KIAA1328: variants seen among roughly 807,000 people sequenced by gnomAD.
KIAA1328 encodes the protein protein hinderin.
A neutral mutation model predicts 68.1 loss-of-function variants in KIAA1328; 52 were observed. That is an observed-to-expected ratio of 0.76 (90% confidence interval 0.61 to 0.96). KIAA1328 has a LOEUF of 0.96. Among genes scored for constraint, KIAA1328 ranks in the 40% least tolerant of loss-of-function variants. The pLI is 0.00. For synonymous variants in KIAA1328, 232 were observed against 239.4 expected (o/e 0.97, Z 0.28); for missense variants, 641 against 677.6 (o/e 0.95, Z 0.60).
chr18:37,194,280 GTT>G (rs539989740), intron 9 of KIAA1328, among the ~76,000 whole-genome samples: 366 of 152,250 alleles, frequency 2.4e-3, no homozygotes, highest in Non-Finnish European at 2.2e-3. Flanking sequence ...TAATCAAAAA[GTT>G]TGGTACTTTG....
chr18:36,980,506 G>A (rs753430102), intron 6 of KIAA1328, among the ~76,000 whole-genome samples: 8 of 152,164 alleles, frequency 5.3e-5, no homozygotes, highest in Non-Finnish European at 7.4e-5. Flanking sequence ...GTGGCATGTC[G>A]TATGGCTGCT....
rs1196628455 is a variant in KIAA1328 at position 36,838,811 on chromosome 18, T to C, written c.237+3435T>C. Among the ~76,000 whole-genome samples the C allele has an allele frequency of 2.0e-5, 3 of 152,194 alleles. 1 individual carries two copies. The highest frequency in any genetic ancestry group is 4.1e-4 in the South Asian group (2 of 4,828). On this transcript the variant is annotated intron_variant, in intron 3 of 9. Transcript: ENST00000280020. ...GTGCAGTGGCACGATCTTGGTTTAC[T>C]GCAACCTCCGCTTCCCAGGTTCAAG...
chr18:37,064,339 A>G lies in KIAA1328; in HGVS notation c.577-2551A>G, dbSNP rs553748312. 2.0e-5 allele frequency among the ~76,000 whole-genome samples: 3 copies of G among 152,216 alleles called. No homozygotes were observed. In the East Asian group the frequency reaches 5.8e-4, roughly 29 times the overall value. On this transcript the variant is annotated intron_variant, in intron 6 of 9. Transcript: ENST00000280020. Reference sequence around the variant, plus strand: ...GATAAGAAACATGATGTTGCTGTGTATCTCTGTTAGTTGATACTTTTTACC... The same window carrying G: ...GATAAGAAACATGATGTTGCTGTGTGTCTCTGTTAGTTGATACTTTTTACC...
Position 37,179,241 on chromosome 18 carries a change from T to C in KIAA1328, c.1523+6160T>C, listed in dbSNP as rs765292198. 7.2e-5 allele frequency among the ~76,000 whole-genome samples: 11 copies of C among 152,222 alleles called. No individual in the cohort carries two copies. In the South Asian group the frequency reaches 2.3e-3, roughly 32 times the overall value. On this transcript the variant is annotated intron_variant, in intron 9 of 9. Coordinates refer to ENST00000280020, the MANE Select transcript of KIAA1328 (RefSeq NM_020776.3). ...CCTTTAATCCATTTTGATTTGATTT[T>C]TGTATCTGATGAGAGATAGGGAGTC...
intron 8 of KIAA1328, among the ~76,000 whole-genome samples, chr18:37,164,496 G>A (rs2059346144): frequency 6.6e-6 from 1 of 152,184 alleles, no homozygotes; most frequent in Admixed American, 6.5e-5. Context: ...TGTAAGCTCA[G>A]CACTTTGTGA....
At chr18:37,165,187 C>T (rs1239409175) in intron 8 of KIAA1328, among the ~76,000 whole-genome samples, 1 of 152,056 alleles carries the variant, frequency 6.6e-6, no homozygotes, top group African/African-American at 2.4e-5. Flanking sequence ...CTGAGGTGTC[C>T]TGGTCTTTAG....
intron 4 of KIAA1328, among the ~76,000 whole-genome samples, chr18:36,871,781 T>TA (rs1263497278): frequency 2.0e-5 from 3 of 151,896 alleles, no homozygotes; most frequent in Non-Finnish European, 4.4e-5. Context: ...TAAGGAGACT[T>TA]ATGCTGATAG....
At chr18:36,973,847 A>ACACG (rs2052352163) in intron 6 of KIAA1328, among the ~76,000 whole-genome samples, 1 of 151,748 alleles carries the variant, frequency 6.6e-6, no homozygotes, top group Non-Finnish European at 1.5e-5. Flanking sequence ...ACACACACAC[A>ACACG]CACATATATA....
intron 4 of KIAA1328, among the ~76,000 whole-genome samples, chr18:36,878,363 G>A (rs1446645183): frequency 6.6e-6 from 1 of 152,142 alleles, no homozygotes; most frequent in East Asian, 1.9e-4. Flanking sequence ...TGGCTTGTAG[G>A]GTTTCTGCAG....
chr18:37,200,108 C>T (rs1005085598), intron 9 of KIAA1328, among the ~76,000 whole-genome samples: 2 of 152,146 alleles, frequency 1.3e-5, no homozygotes, highest in Admixed American at 1.3e-4. Context: ...TTAATGCTGC[C>T]AACCTAAAAG....
At chr18:37,204,777 AAAAC>A (rs1362218509) in intron 9 of KIAA1328, among the ~76,000 whole-genome samples, 12 of 151,932 alleles carry the variant, frequency 7.9e-5, no homozygotes, top group African/African-American at 2.9e-4. Context: ...AAAAAAAAAA[AAAAC>A]ACCTCTCAAG....
At chr18:37,115,736 A>G (rs1010490973) in intron 7 of KIAA1328, among the ~76,000 whole-genome samples, 1 of 152,232 alleles carries the variant, frequency 6.6e-6, no homozygotes, top group Non-Finnish European at 1.5e-5. Flanking sequence ...CCCTGTTTGC[A>G]GATGACATGA....
chr18:36,857,409 A>G (rs1217283114), intron 4 of KIAA1328, among the ~76,000 whole-genome samples: 1 of 152,154 alleles, frequency 6.6e-6, no homozygotes. Flanking sequence ...GCTGACACAA[A>G]AGCAAGCCTC....
intron 7 of KIAA1328, among the ~76,000 whole-genome samples, chr18:37,078,886 T>C (rs1358035138): frequency 6.6e-6 from 1 of 151,434 alleles, no homozygotes; most frequent in Non-Finnish European, 1.5e-5. Context: ...TTGGTGGGAC[T>C]GTAAACTAGT....
chr18:37,076,591 A>C (rs1238270490), intron 7 of KIAA1328, among the ~76,000 whole-genome samples: 1 of 151,894 alleles, frequency 6.6e-6, no homozygotes, highest in Non-Finnish European at 1.5e-5. Flanking sequence ...CGCTAGCAAG[A>C]CTAATAAAGA....
intron 7 of KIAA1328, among the ~76,000 whole-genome samples, chr18:37,076,976 T>A (rs2056761928): frequency 6.6e-6 from 1 of 152,184 alleles, no homozygotes; most frequent in South Asian, 2.1e-4. Context: ...CCTCCCTAAC[T>A]CATTTTATGA....
intron 6 of KIAA1328, among the ~76,000 whole-genome samples, chr18:37,003,500 TG>T (rs1293274503): frequency 6.6e-6 from 1 of 152,024 alleles, no homozygotes; most frequent in African/African-American, 2.4e-5. Flanking sequence ...GAAAAAAACT[TG>T]TATTAGAAAG....
intron 5 of KIAA1328, among the ~76,000 whole-genome samples, chr18:36,914,226 A>G (rs571754431): frequency 6.6e-5 from 10 of 152,290 alleles, no homozygotes; most frequent in African/African-American, 2.4e-4. Flanking sequence ...AGCTAAATCT[A>G]TCTCTTTTTT....
intron 4 of KIAA1328, among the ~76,000 whole-genome samples, chr18:36,855,405 T>C (rs186310912): frequency 5.1e-4 from 78 of 152,308 alleles, no homozygotes; most frequent in Non-Finnish European, 8.8e-4. Context: ...AATGACTGTT[T>C]ATGTTGAGGG....
Sources: gnomAD v4.1 joint callset for allele counts (sites outside exome capture counted in the v4.1 genomes callset) on GRCh38, gnomAD v4.1.1 for gene constraint, MANE v1.5 for transcripts, NCBI Gene and HGNC (gene_info 2026-07-23, HGNC 2026-07-21) for gene names.